RBFOX1: variants seen among roughly 807,000 people sequenced by gnomAD.
RBFOX1 encodes the protein RNA binding fox-1 homolog 1.
Under a neutral mutation model 57.7 loss-of-function variants are expected in RBFOX1, and 8 were observed. That is an observed-to-expected ratio of 0.14 (90% CI 0.08 to 0.25). The LOEUF (loss-of-function observed/expected upper bound fraction) is 0.25, where lower values mean the gene tolerates loss of function less well. RBFOX1 is among the 10% of genes least tolerant of loss of function. The probability of loss-of-function intolerance (pLI) is 1.00; values close to 1 mark genes in which losing one functional copy is unlikely to be tolerated. For synonymous variants in RBFOX1, 326 were observed against 222.4 expected (o/e 1.47, Z -4.15); for missense variants, 611 against 548.5 (o/e 1.11, Z -1.14).
At chr16:5,265,795 G>T (rs191440721) in intron 1 of RBFOX1, among the ~76,000 whole-genome samples, 185 of 152,222 alleles carry the variant, frequency 1.2e-3, no homozygotes, top group Non-Finnish European at 1.9e-3. Context: ...TCTCCTGTTC[G>T]GGGGACTGTG....
At chr16:5,966,878 A>C (rs1056159369) in intron 4 of RBFOX1, among the ~76,000 whole-genome samples, 4 of 150,364 alleles carry the variant, frequency 2.7e-5, no homozygotes. Flanking sequence ...ACCAGTCACT[A>C]TCCTGTCCTC....
At chr16:6,392,859 C>A (rs747113081) in intron 2 of RBFOX1, among the ~76,000 whole-genome samples, 2 of 152,140 alleles carry the variant, frequency 1.3e-5, no homozygotes, top group Non-Finnish European at 2.9e-5. Context: ...TGAAGTTCCA[C>A]GTCATGGGCC....
At chr16:5,977,274 C>T (rs1311484903) in intron 4 of RBFOX1, among the ~76,000 whole-genome samples, 2 of 152,104 alleles carry the variant, frequency 1.3e-5, no homozygotes, top group Non-Finnish European at 2.9e-5. Flanking sequence ...GCCCCATGAC[C>T]CTGGAGGAGG....
chr16:7,578,607 T>C (rs1380825188), intron 5 of RBFOX1, among the ~76,000 whole-genome samples: 1 of 151,640 alleles, frequency 6.6e-6, no homozygotes, highest in Admixed American at 6.6e-5. Context: ...GCTGCCTACA[T>C]TGATAGTTTT....
At chr16:6,997,855 G>T (rs2092402854) in intron 3 of RBFOX1, among the ~76,000 whole-genome samples, 1 of 152,112 alleles carries the variant, frequency 6.6e-6, no homozygotes, top group Non-Finnish European at 1.5e-5. Context: ...GCAGGAAACA[G>T]TTATCAGAAC....
chr16:7,095,401 G>T (rs898957111), intron 4 of RBFOX1, among the ~76,000 whole-genome samples: 4 of 152,186 alleles, frequency 2.6e-5, no homozygotes, highest in East Asian at 1.9e-4. Flanking sequence ...GCCTCCCACA[G>T]TGCTGGGATT....
chr16:7,049,680 G>T (rs1432543545), intron 3 of RBFOX1, among the ~76,000 whole-genome samples: 1 of 151,906 alleles, frequency 6.6e-6, no homozygotes, highest in African/African-American at 2.4e-5. Flanking sequence ...AATTTTGGTC[G>T]TTTTGTTCCC....
chr16:5,411,974 C>G (rs539139717), intron 1 of RBFOX1, among the ~76,000 whole-genome samples: 1 of 152,294 alleles, frequency 6.6e-6, no homozygotes, highest in Non-Finnish European at 1.5e-5. Flanking sequence ...CTCACTGAGA[C>G]TATTCTTATC....
At chr16:6,547,793 A>G (rs141519204) in intron 2 of RBFOX1, among the ~76,000 whole-genome samples, 2 of 152,116 alleles carry the variant, frequency 1.3e-5, no homozygotes, top group Non-Finnish European at 2.9e-5. Context: ...TTCTCTCAAA[A>G]TGTCATCTTT....
At chr16:6,916,789 C>T (rs1429669716) in intron 3 of RBFOX1, among the ~76,000 whole-genome samples, 3 of 152,242 alleles carry the variant, frequency 2.0e-5, no homozygotes, top group Admixed American at 6.5e-5. Flanking sequence ...TCTTTGAAGG[C>T]TGAGTTCAAA....
At chr16:6,158,141 C>T (rs2096851682) in intron 1 of RBFOX1, among the ~76,000 whole-genome samples, 1 of 152,094 alleles carries the variant, frequency 6.6e-6, no homozygotes, top group African/African-American at 2.4e-5. Context: ...TTCTGGGCAA[C>T]CAATAATGAT....
intron 4 of RBFOX1, among the ~76,000 whole-genome samples, chr16:7,512,255 G>C (rs183002792): frequency 6.6e-6 from 1 of 152,164 alleles, no homozygotes; most frequent in African/African-American, 2.4e-5. Context: ...GCCTGTTCGC[G>C]TGCCTAGGAT....
intron 3 of RBFOX1, among the ~76,000 whole-genome samples, chr16:6,862,255 G>C (rs190798081): frequency 3.9e-5 from 6 of 152,210 alleles, no homozygotes; most frequent in African/African-American, 1.4e-4. Flanking sequence ...CAGAGTCCTA[G>C]GCCACCTCCA....
chr16:6,007,627 T>G (rs1411279110), intron 4 of RBFOX1, among the ~76,000 whole-genome samples: 2 of 152,228 alleles, frequency 1.3e-5, no homozygotes, highest in African/African-American at 4.8e-5. Flanking sequence ...AAGAGATAAC[T>G]AATACAGTGG....
intron 4 of RBFOX1, among the ~76,000 whole-genome samples, chr16:7,257,539 G>C (rs1214420735): frequency 3.9e-5 from 6 of 152,098 alleles, no homozygotes; most frequent in Non-Finnish European, 7.4e-5. Flanking sequence ...TTATCCAGTA[G>C]AGACCTCACT....
intron 1 of RBFOX1, among the ~76,000 whole-genome samples, chr16:6,091,674 A>T (rs1366133921): frequency 2.0e-5 from 3 of 152,140 alleles, no homozygotes; most frequent in Non-Finnish European, 4.4e-5. Context: ...TACTAAAAAT[A>T]TAAAAATTAG....
rs113018873 is a variant in RBFOX1 at position 7,063,315 on chromosome 16, A to G, written c.27+11217A>G. ...ATATTCCCCCCAACCCCAGGGGACC[A>G]CCCCCGTGCCCACAGATAAAGGATC... On this transcript the variant is annotated intron_variant, in intron 4 of 15. Transcript: ENST00000550418. Among the ~76,000 whole-genome samples the G allele has an allele frequency of 3.0e-4, 45 of 151,858 alleles. 1 individual carries two copies. The highest frequency in any genetic ancestry group is 1.1e-3 in the African/African-American group (44 of 41,392).
At chr16:5,875,362 A>G (rs1032471852) in intron 4 of RBFOX1, among the ~76,000 whole-genome samples, 2 of 152,238 alleles carry the variant, frequency 1.3e-5, no homozygotes, top group Admixed American at 6.5e-5. Flanking sequence ...CACTAGGAAC[A>G]GCATGACTGC....
At chr16:7,506,781 A>C (rs1213186056) in intron 4 of RBFOX1, among the ~76,000 whole-genome samples, 1 of 137,988 alleles carries the variant, frequency 7.2e-6, no homozygotes, top group Middle Eastern at 3.4e-3. Flanking sequence ...TTATCTGCCA[A>C]AGGTACCATA....
Sources: gnomAD v4.1 joint callset for allele counts (sites outside exome capture counted in the v4.1 genomes callset) on GRCh38, gnomAD v4.1.1 for gene constraint, MANE v1.5 for transcripts, NCBI Gene and HGNC (gene_info 2026-07-23, HGNC 2026-07-21) for gene names.